C12orf43: variants seen among roughly 807,000 people sequenced by gnomAD.
C12orf43 encodes protein CUSTOS.
A neutral mutation model predicts 20.6 loss-of-function variants in C12orf43; 15 were observed. That is an observed-to-expected ratio of 0.73 (90% CI 0.49 to 1.12). The LOEUF is 1.12. Ranked by LOEUF, C12orf43 falls within the 50% of genes most tolerant of loss-of-function variation. The probability of loss-of-function intolerance (pLI) is 0.00; values close to 1 mark genes in which losing one functional copy is unlikely to be tolerated. For synonymous variants in C12orf43, 144 were observed against 130.8 expected, an observed-to-expected ratio of 1.10 and a Z score of -0.69; for missense variants, 334 against 344.4, an observed-to-expected ratio of 0.97 and a Z score of 0.24.
Position 121,006,571 on chromosome 12 carries a change from C to T in C12orf43, c.288-177G>A, listed in dbSNP as rs1007728485. ...AACATGCTGACCAGCCTCTGCCACGCGAACTGCAGTGCTTCATTTCTTTAA... is the reference window on the plus strand; with the variant it reads ...AACATGCTGACCAGCCTCTGCCACGTGAACTGCAGTGCTTCATTTCTTTAA... On this transcript the variant is annotated intron_variant, in intron 3 of 5. Transcript: ENST00000288757. 33 of 599,532 alleles carry T rather than the reference C, an allele frequency of 5.5e-5. No individual in the cohort carries two copies. In the East Asian group the frequency reaches 8.9e-4, roughly 16 times the overall value. 37.1% of individuals were successfully genotyped at this position (599,532 alleles called of 1,614,324 possible).
rs923582741 is a variant in C12orf43 at position 121,005,038 on chromosome 12, G to C, written c.417C>G (p.Pro139=). The C allele has an allele frequency of 3.9e-6, 6 of 1,523,978 alleles. No individual in the cohort carries two copies. In the African/African-American group the frequency reaches 7.0e-5, roughly 18 times the overall value. 94.4% of individuals were successfully genotyped at this position (1,523,978 alleles called of 1,614,324 possible). Residue 139 remains proline (P), a synonymous_variant, in exon 5 of 6, where the codon CCC becomes CCG. Coordinates refer to ENST00000288757, the MANE Select transcript of C12orf43 (RefSeq NM_022895.3). The surrounding 1 kb of genome is among the most constrained non-coding windows in gnomAD (Gnocchi z 5.6). Reference sequence around the variant, plus strand: ...AGGGCTGTCGCTTTCGGCGGGGTTGGGGAGACTCTTCCTTCTCACGGCCTC... The same window carrying C: ...AGGGCTGTCGCTTTCGGCGGGGTTGCGGAGACTCTTCCTTCTCACGGCCTC... ...VPGGREKEES[P]QPRRKRQPSS...
intron 1 of C12orf43, among the ~76,000 whole-genome samples, chr12:121,012,213 A>T (rs1203070233): frequency 6.6e-6 from 1 of 152,320 alleles, no homozygotes; most frequent in Middle Eastern, 3.4e-3. Context: ...GCAGAGGGAA[A>T]GCATCTGCAA....
chr12:121,006,256 G>A (rs910521330), intron 4 of C12orf43, 65 bp downstream of exon 4: 431 of 1,305,048 alleles, frequency 3.3e-4, no homozygotes, highest in Non-Finnish European at 4.4e-4. Context: ...AAACTGTTTC[G>A]CCCACCTCCA....
chr12:121,008,386 C>T (rs1878185094), intron 3 of C12orf43, among the ~76,000 whole-genome samples: 2 of 152,320 alleles, frequency 1.3e-5, no homozygotes, highest in East Asian at 1.9e-4. Context: ...CCACCCGCTT[C>T]AGCCTCCCAA....
Position 121,005,403 on chromosome 12 carries a change from G to C in C12orf43, c.362-310C>G, listed in dbSNP as rs930698817. Among the ~76,000 whole-genome samples, 4 of 152,138 alleles carry C rather than the reference G, an allele frequency of 2.6e-5. No homozygotes were observed. The highest frequency in any genetic ancestry group is 1.3e-4 in the Admixed American group (2 of 15,276). Reference sequence around the variant, plus strand: ...AGCTGCCCCGCCTCTGCCCTCAGGAGCTCCTGGTCCAGAGGCAAAGACCCA... The same window carrying C: ...AGCTGCCCCGCCTCTGCCCTCAGGACCTCCTGGTCCAGAGGCAAAGACCCA... On this transcript the variant is annotated intron_variant, in intron 4 of 5. Transcript: ENST00000288757. This position sits in a 1 kb window ranked among gnomAD's most constrained non-coding sequence, Gnocchi z 5.6.
chr12:121,006,112 A>C, intron 4 of C12orf43: 1 of 509,444 alleles, frequency 2.0e-6, no homozygotes, highest in East Asian at 3.3e-5. Flanking sequence ...GCTACTCAGG[A>C]AGCTGAGGTG....
Position 121,010,892 on chromosome 12 carries a change from C to T in C12orf43, c.223G>A (p.Glu75Lys), listed in dbSNP as rs777205582. 1.4e-5 allele frequency: 22 copies of T among 1,614,012 alleles called. No homozygotes were observed. The East Asian group carries it at 3.1e-4, about 23-fold the overall frequency. The change falls in exon 3 of 6, where the codon GAG becomes AAG. Residue 75 changes from glutamate to lysine, a missense_variant. By Grantham distance (56) the Glu-to-Lys change is moderately conservative. Coordinates refer to ENST00000288757, the MANE Select transcript of C12orf43 (RefSeq NM_022895.3). The part of the protein sequence containing the change: ...KVNEHEQDGN[E>K]LQTTPEFRAH... ...CGGAATTCAGGGGTGGTCTGAAGCT[C>T]GTTGCCATCTTGTTCATGCTCATTC...
Position 121,004,181 on chromosome 12 carries a change from T to G in C12orf43, c.761A>C (p.Lys254Thr). Reference sequence around the variant, plus strand: ...GTTTGCAGGTATAGCTGTAGCACTCTTTGCTGGTGGGAATGGAGAGGTCTC... The same window carrying G: ...GTTTGCAGGTATAGCTGTAGCACTCGTTGCTGGTGGGAATGGAGAGGTCTC... ...ASETSPFPPA[K>T]SATAIPAN Residue 254 changes from lysine (K) to threonine (T), a missense_variant, in exon 6 of 6, where the codon AAG (lysine) becomes ACG (threonine). Lys to Thr is a moderately conservative substitution (Grantham distance 78). Coordinates refer to ENST00000288757, the MANE Select transcript of C12orf43 (RefSeq NM_022895.3). This position sits in a 1 kb window ranked among gnomAD's most constrained non-coding sequence, Gnocchi z 5.6. The G allele has an allele frequency of 6.2e-7, 1 of 1,614,092 alleles. No homozygotes were observed. The highest frequency in any genetic ancestry group is 8.5e-7 in the Non-Finnish European group (1 of 1,179,930).
chr12:121,008,095 C>T (rs988452818), intron 3 of C12orf43, among the ~76,000 whole-genome samples: 1 of 151,842 alleles, frequency 6.6e-6, no homozygotes, highest in Non-Finnish European at 1.5e-5. Flanking sequence ...GGTTGAGAGA[C>T]ACTGACCTAA....
intron 1 of C12orf43, among the ~76,000 whole-genome samples, chr12:121,014,292 A>G (rs1440731293): frequency 6.6e-6 from 1 of 151,986 alleles, no homozygotes; most frequent in East Asian, 1.9e-4. Flanking sequence ...AGATCGCGCC[A>G]TTGCACTCCA....
rs1214141733 is a variant in C12orf43, at chr12:121,001,173, T to A, written c.*2980A>T. ...ATCGAGACCTTCATCTCCACCCAGA[T>A]GGCCTCTTCCTCCCAGTAACCACGG... On this transcript the variant is annotated 3_prime_UTR_variant, in exon 6 of 6. Transcript: ENST00000288757. 1.9e-6 allele frequency: 3 copies of A among 1,613,954 alleles called. No individual in the cohort carries two copies.
chr12:121,009,146 T>C (rs921727482), intron 3 of C12orf43, among the ~76,000 whole-genome samples: 12 of 152,140 alleles, frequency 7.9e-5, no homozygotes, highest in Non-Finnish European at 1.6e-4. Context: ...CAAATTCTTA[T>C]GGTGAAATCC....
chr12:121,009,158 C>T (rs372719801), intron 3 of C12orf43, among the ~76,000 whole-genome samples: 2 of 152,168 alleles, frequency 1.3e-5, no homozygotes, highest in East Asian at 3.9e-4. Flanking sequence ...GTGAAATCCT[C>T]ACCCCAGCTG....
chr12:121,006,321 C>T lies in C12orf43; in HGVS notation c.361G>A (p.Gly121Ser). ...KVQKVALEDD[G>S]FRLFFTSVPG... Reference sequence around the variant, plus strand: ...GCTTCTATTAAGTATAACCACTCACCATCATCCTCCAAAGCGACTTTCTGT... The same window carrying T: ...GCTTCTATTAAGTATAACCACTCACTATCATCCTCCAAAGCGACTTTCTGT... Residue 121 changes from glycine (G) to serine (S), a missense_variant and splice_region_variant, in exon 4 of 6, where the codon GGT becomes AGT. Physicochemically the swap from Gly to Ser is moderately conservative, Grantham distance 56. Coordinates refer to ENST00000288757, the MANE Select transcript of C12orf43 (RefSeq NM_022895.3). 1 of 1,612,938 alleles carries T rather than the reference C, an allele frequency of 6.2e-7. No homozygotes were observed. Among genetic ancestry groups the T allele is most frequent in the Non-Finnish European group, 8.5e-7 (1 of 1,178,952 alleles).
At position 121,004,577 on chromosome 12, in the gene C12orf43, AC is replaced by A; in HGVS notation, c.453-89del. 1 of 1,371,412 alleles carries A rather than the reference AC, an allele frequency of 7.3e-7. No individual in the cohort carries two copies. Among genetic ancestry groups the A allele is most frequent in the Non-Finnish European group, 9.8e-7 (1 of 1,016,036 alleles). 85.0% of individuals were successfully genotyped at this position (1,371,412 alleles called of 1,614,324 possible). On this transcript the variant is annotated intron_variant, in intron 5 of 5. Coordinates refer to ENST00000288757, the MANE Select transcript of C12orf43 (RefSeq NM_022895.3). The surrounding 1 kb of genome is among the most constrained non-coding windows in gnomAD (Gnocchi z 5.6). ...TCGCTGTCCTCCCTTGGTCCAGGTC[AC>A]CAGAAGGTGGCCGCAGAGAGAGGCA...
Position 121,005,532 on chromosome 12 carries a change from C to T in C12orf43, c.362-439G>A, listed in dbSNP as rs1270937389. Reference sequence around the variant, plus strand: ...GCGCTGGAGCAGGAGCCAGCAGCCACATCAGCTCAGCAAGCCCTCAGAGGC... The same window carrying T: ...GCGCTGGAGCAGGAGCCAGCAGCCATATCAGCTCAGCAAGCCCTCAGAGGC... On this transcript the variant is annotated intron_variant, in intron 4 of 5. Coordinates refer to ENST00000288757, the MANE Select transcript of C12orf43 (RefSeq NM_022895.3). This position sits in a 1 kb window ranked among gnomAD's most constrained non-coding sequence, Gnocchi z 5.6. Among the ~76,000 whole-genome samples the T allele has an allele frequency of 5.9e-5, 9 of 152,248 alleles. No homozygotes were observed. The highest frequency in any genetic ancestry group is 1.2e-4 in the Non-Finnish European group (8 of 68,050).
At position 121,005,030 on chromosome 12, in the gene C12orf43, C is replaced by G. The variant is rs34543757; in HGVS notation, c.425G>C (p.Arg142Pro). The G allele has an allele frequency of 6.5e-7, 1 of 1,530,646 alleles. No homozygotes were observed. Among genetic ancestry groups the G allele is most frequent in the East Asian group, 2.4e-5 (1 of 41,546 alleles). 94.8% of individuals were successfully genotyped at this position (1,530,646 alleles called of 1,614,324 possible). A position where few individuals can be genotyped will look rare whatever the true frequency, so the allele number is the denominator to read the frequency against. The change falls in exon 5 of 6, where the codon CGC (arginine) becomes CCC (proline). Residue 142 changes from arginine (R) to proline (P), a missense_variant. Coordinates refer to ENST00000288757, the MANE Select transcript of C12orf43 (RefSeq NM_022895.3). This position sits in a 1 kb window ranked among gnomAD's most constrained non-coding sequence, Gnocchi z 5.6. ...GREKEESPQP[R>P]RKRQPSSSSE... ...GGAGCTGGAGGGCTGTCGCTTTCGG[C>G]GGGGTTGGGGAGACTCTTCCTTCTC...
chr12:121,006,282 C>A (rs1410657518), intron 4 of C12orf43, 39 bp downstream of exon 4: 1 of 1,553,610 alleles, frequency 6.4e-7, no homozygotes, highest in Non-Finnish European at 8.9e-7. Flanking sequence ...ACATTAGGTG[C>A]TTAATAAATG....
Position 121,004,624 on chromosome 12 carries a change from G to T in C12orf43, c.453-135C>A. 1.1e-6 allele frequency: 1 copy of T among 896,792 alleles called. No individual in the cohort carries two copies. Among genetic ancestry groups the T allele is most frequent in the East Asian group, 2.5e-5 (1 of 39,954 alleles). 55.6% of individuals were successfully genotyped at this position (896,792 alleles called of 1,614,324 possible). A position where few individuals can be genotyped will look rare whatever the true frequency, so the allele number is the denominator to read the frequency against. ...AGGCAGGTAGTGAGTTCAGGCTTGG[G>T]AGTGAGGCCAACCTGGCTTCCAATA... is the stretch of plus-strand genomic sequence containing the variant. On this transcript the variant is annotated intron_variant, in intron 5 of 5. Coordinates refer to ENST00000288757, the MANE Select transcript of C12orf43 (RefSeq NM_022895.3). This position sits in a 1 kb window ranked among gnomAD's most constrained non-coding sequence, Gnocchi z 5.6.
Sources: gnomAD v4.1 joint callset for allele counts (sites outside exome capture counted in the v4.1 genomes callset) on GRCh38, gnomAD v4.1.1 for gene constraint, Gnocchi (gnomAD v3.1) non-coding constraint, MANE v1.5 for transcripts, NCBI Gene and HGNC (gene_info 2026-07-23, HGNC 2026-07-21) for gene names.